The following LAYN variants were observed in gnomAD, a reference collection of about 807,000 sequenced individuals.
The protein encoded by LAYN is layilin.
In LAYN, 38 loss-of-function variants were observed where a neutral mutation model predicts 43.6. The ratio of observed to expected loss-of-function variants is 0.87; its 90% CI spans 0.67 to 1.14. LAYN has a LOEUF of 1.14. Ranked by LOEUF, LAYN falls within the 50% of genes most tolerant of loss-of-function variation. The probability of loss-of-function intolerance (pLI) is 0.00; values close to 1 mark genes in which losing one functional copy is unlikely to be tolerated. For missense variants in LAYN, 479 were observed against 463.8 expected, an observed-to-expected ratio of 1.03 and a Z score of -0.30; for synonymous variants, 168 against 172.9, an observed-to-expected ratio of 0.97 and a Z score of 0.22.
At position 111,544,170 on chromosome 11, in the gene LAYN, A is replaced by T. The variant is rs140773776; in HGVS notation, c.333A>T (p.Thr111=). ...GTGAGGAGAAACAAAGCAATAGCAC[A>T]GCCTGCCAGGACCTTTATGCTTGGA... ...RRREEKQSNS[T]ACQDLYAWTD... is the part of the protein sequence containing the mutation. The change falls in exon 2 of 7, where the codon ACA becomes ACT. Residue 111 remains threonine (T), a synonymous_variant. Transcript: ENST00000375614. 8 of 1,614,228 alleles carry T rather than the reference A, an allele frequency of 5.0e-6. No homozygotes were observed. The highest frequency in any genetic ancestry group is 6.8e-6 in the Non-Finnish European group (8 of 1,180,048).
rs550517417 is a variant in LAYN at position 111,545,009 on chromosome 11, A to G, written c.383+789A>G. ...ATCAAAAGAATGAAGATTTTAAAAT[A>G]TATTCTTTAACATATACCTACTATG... is the stretch of plus-strand genomic sequence containing the variant. On this transcript the variant is annotated intron_variant, in intron 2 of 6. Transcript: ENST00000375614. Among the ~76,000 whole-genome samples the G allele has an allele frequency of 8.6e-5, 13 of 151,580 alleles. No homozygotes were observed. In the South Asian group the frequency reaches 2.3e-3, roughly 27 times the overall value.
intron 6 of LAYN, among the ~76,000 whole-genome samples, chr11:111,559,845 T>C (rs964969968): frequency 6.6e-6 from 1 of 152,248 alleles, no homozygotes; most frequent in Non-Finnish European, 1.5e-5. Context: ...CCAGGGACTC[T>C]AGGGAACCCC....
At chr11:111,546,434 T>C (rs894358941) in intron 2 of LAYN, among the ~76,000 whole-genome samples, 3 of 152,214 alleles carry the variant, frequency 2.0e-5, no homozygotes, top group Non-Finnish European at 4.4e-5. Flanking sequence ...AGATGTTCCC[T>C]TACTGGTCTC....
At chr11:111,559,441 TTTATTTTATTTTA>T (rs1441805755) in intron 6 of LAYN, among the ~76,000 whole-genome samples, 6 of 151,772 alleles carry the variant, frequency 4.0e-5, no homozygotes, top group Non-Finnish European at 7.4e-5. Context: ...TTGGTTTTAT[TTTATTTTATTTTA>T]TTATTTTATT....
At chr11:111,540,465 C>A (rs931576111), upstream of LAYN, 1 of 306,442 alleles carries the variant, frequency 3.3e-6, no homozygotes, top group African/African-American at 2.3e-5. Flanking sequence ...ATCAGATTGC[C>A]TAGGGGCCCG....
At position 111,544,197 on chromosome 11, in the gene LAYN, T is replaced by C; in HGVS notation, c.360T>C (p.Thr120=). Residue 120 remains threonine (T), a synonymous_variant, in exon 2 of 7, where the codon ACT becomes ACC. Coordinates refer to ENST00000375614, the MANE Select transcript of LAYN (RefSeq NM_178834.5). The part of the protein sequence containing the change: ...STACQDLYAW[T]DGSISQFRNW... ...CCTGCCAGGACCTTTATGCTTGGAC[T>C]GATGGCAGCATATCACAATTTAGGT... 6.2e-7 allele frequency: 1 copy of C among 1,613,552 alleles called. No homozygotes were observed. The highest frequency in any genetic ancestry group is 1.1e-5 in the South Asian group (1 of 90,956).
At position 111,549,689 on chromosome 11, in the gene LAYN, C is replaced by A; in HGVS notation, c.455C>A (p.Pro152His). Reference protein sequence around the residue: ...CVVMYHQPSAPAGIGGPYMFQ... With the variant: ...CVVMYHQPSAHAGIGGPYMFQ... ...GTCATGTACCATCAGCCATCGGCAC[C>A]CGCTGGCATCGGAGGCCCCTACATG... is the stretch of plus-strand genomic sequence containing the variant. The change falls in exon 3 of 7, where the codon CCC becomes CAC. Residue 152 changes from proline to histidine, a missense_variant. Pro to His is a moderately conservative substitution (Grantham distance 77, BLOSUM62 -2). Coordinates refer to ENST00000375614, the MANE Select transcript of LAYN (RefSeq NM_178834.5). The A allele has an allele frequency of 6.2e-7, 1 of 1,603,512 alleles. No individual in the cohort carries two copies. Among genetic ancestry groups the A allele is most frequent in the South Asian group, 1.1e-5 (1 of 88,670 alleles).
At chr11:111,558,777 T>TAAAAA (rs61161767) in intron 6 of LAYN, among the ~76,000 whole-genome samples, 2 of 142,582 alleles carry the variant, frequency 1.4e-5, no homozygotes, top group African/African-American at 2.6e-5. Flanking sequence ...TTATTTTATT[T>TAAAAA]AAAAAAATAT....
Position 111,540,920 on chromosome 11 carries a change from T to C in LAYN, c.77T>C (p.Leu26Pro). ...GGGCTGCGGGCCGCGACGGGTCGCC[T>C]GCTGAGTGGTGAGTGCGCGCGCTGG... ...LVGLRAATGR[L>P]LSGQPVCRGG... The change falls in exon 1 of 7, where the codon CTG becomes CCG. Residue 26 changes from leucine (L) to proline (P), a missense_variant. Physicochemically the swap from Leu to Pro is moderately conservative, Grantham distance 98. Coordinates refer to ENST00000375614, the MANE Select transcript of LAYN (RefSeq NM_178834.5). The C allele has an allele frequency of 6.5e-7, 1 of 1,531,484 alleles. No homozygotes were observed. Among genetic ancestry groups the C allele is most frequent in the African/African-American group, 1.4e-5 (1 of 72,924 alleles). The allele number at this position is 1,531,484 out of a possible 1,614,324, so 94.9% of individuals were successfully genotyped here.
chr11:111,550,540 T>G (rs1433197329), intron 3 of LAYN, among the ~76,000 whole-genome samples: 2 of 152,218 alleles, frequency 1.3e-5, no homozygotes, highest in Non-Finnish European at 2.9e-5. Context: ...GTTAGTTATA[T>G]CTAGTTTGGG....
chr11:111,550,740 A>T (rs993250475), intron 3 of LAYN, among the ~76,000 whole-genome samples: 6 of 152,190 alleles, frequency 3.9e-5, no homozygotes, highest in Non-Finnish European at 8.8e-5. Flanking sequence ...TGACTTAGCA[A>T]GTCACCTTTA....
intron 1 of LAYN, chr11:111,541,426 G>T (rs1867536503): frequency 1.3e-6 from 1 of 767,140 alleles, no homozygotes; most frequent in Admixed American, 2.0e-5. Flanking sequence ...CTCTTCTGCG[G>T]GGTTGGATGG....
intron 2 of LAYN, among the ~76,000 whole-genome samples, chr11:111,544,666 A>G (rs545676): frequency 0.97 from 147,229 of 152,212 alleles, 71,399 homozygotes; most frequent in East Asian, 1. Context: ...CCTGCAGTGT[A>G]TAGGGCCCTG....
chr11:111,553,715 T>C (rs899111074), intron 3 of LAYN, among the ~76,000 whole-genome samples: 10 of 140,482 alleles, frequency 7.1e-5, no homozygotes, highest in South Asian at 4.9e-4. Context: ...ACATCACCTA[T>C]ACACACACAC....
chr11:111,557,501 A>C, intron 5 of LAYN, 40 bp from the exon 6 acceptor site: 1 of 1,536,630 alleles, frequency 6.5e-7, no homozygotes, highest in Non-Finnish European at 9.0e-7. Flanking sequence ...AACAAAACAA[A>C]AAACAGCCAA....
chr11:111,555,817 TA>T (rs1358113416), intron 5 of LAYN, among the ~76,000 whole-genome samples: 13 of 152,230 alleles, frequency 8.5e-5, no homozygotes, highest in African/African-American at 3.1e-4. Flanking sequence ...GGGCAACTTT[TA>T]AAAACCACTT....
At position 111,544,950 on chromosome 11, in the gene LAYN, T is replaced by C. The variant is rs539978204; in HGVS notation, c.383+730T>C. On this transcript the variant is annotated intron_variant, in intron 2 of 6. Coordinates refer to ENST00000375614, the MANE Select transcript of LAYN (RefSeq NM_178834.5). The stretch of plus-strand genomic sequence containing the variant: ...ACCGTTTATAAAATAAAAAATCTAA[T>C]GGTAAACAATCATATGGGGAAAGGT... Among the ~76,000 whole-genome samples, 20 of 151,784 alleles carry C rather than the reference T, an allele frequency of 1.3e-4. 1 individual carries two copies. The South Asian group carries it at 4.2e-3, about 32-fold the overall frequency.
chr11:111,561,232 C>A lies in LAYN; in HGVS notation c.*774C>A, dbSNP rs761873022. ...AAAATTAGCAGGGCATGGTGGCATG[C>A]GCCTGCAGTCCCAGCTACTCAGGAG... On this transcript the variant is annotated 3_prime_UTR_variant, in exon 7 of 7. Coordinates refer to ENST00000375614, the MANE Select transcript of LAYN (RefSeq NM_178834.5). 1 of 152,204 alleles carries A rather than the reference C, an allele frequency of 6.6e-6. No homozygotes were observed. The highest frequency in any genetic ancestry group is 2.4e-5 in the African/African-American group (1 of 41,434). 9.4% of individuals were successfully genotyped at this position (152,204 alleles called of 1,614,324 possible). A position where few individuals can be genotyped will look rare whatever the true frequency, so the allele number is the denominator to read the frequency against.
chr11:111,558,056 T>G (rs917146521), intron 6 of LAYN, among the ~76,000 whole-genome samples: 6 of 152,216 alleles, frequency 3.9e-5, no homozygotes, highest in Admixed American at 2.0e-4. Flanking sequence ...CATCTGAAAC[T>G]AAACCACTTA....
Sources: allele counts gnomAD v4.1 joint callset (sites outside exome capture counted in the v4.1 genomes callset), GRCh38; gene constraint gnomAD v4.1.1; transcripts MANE v1.5; gene names NCBI Gene and HGNC (gene_info 2026-07-23, HGNC 2026-07-21).